PLPPR1: variants seen among roughly 807,000 people sequenced by gnomAD.
PLPPR1 encodes the protein phospholipid phosphatase-related protein type 1.
In PLPPR1, 10 loss-of-function variants were observed where a neutral mutation model predicts 33.1. That is an observed-to-expected ratio of 0.30 (90% confidence interval 0.19 to 0.51). The LOEUF (loss-of-function observed/expected upper bound fraction) is 0.51. Ranked by LOEUF, PLPPR1 falls within the 20% of genes least tolerant of loss-of-function variation. The probability of loss-of-function intolerance (pLI) is 0.97; values close to 1 mark genes in which losing one functional copy is unlikely to be tolerated. For synonymous variants in PLPPR1, 151 were observed against 151.0 expected, an observed-to-expected ratio of 1.00 and a Z score of 0.00; for missense variants, 304 against 408.1, an observed-to-expected ratio of 0.74 and a Z score of 2.20.
chr9:101,160,787 G>GA (rs1831762800), intron 1 of PLPPR1, among the ~76,000 whole-genome samples: 1 of 151,928 alleles, frequency 6.6e-6, no homozygotes, highest in Non-Finnish European at 1.5e-5. Flanking sequence ...ATATGATTTT[G>GA]AAAAAAGAAA....
At chr9:101,079,583 CTTTTT>C (rs11361751) in intron 1 of PLPPR1, among the ~76,000 whole-genome samples, 1 of 138,732 alleles carries the variant, frequency 7.2e-6, no homozygotes. Flanking sequence ...TTTTGATTGC[CTTTTT>C]TTTTTTTTTG....
chr9:101,297,189 C>T (rs1041306367), intron 4 of PLPPR1, among the ~76,000 whole-genome samples: 59 of 152,060 alleles, frequency 3.9e-4, no homozygotes, highest in African/African-American at 1.3e-3. Context: ...AATATGTTTA[C>T]TTTTAGAAAT....
At chr9:101,275,778 G>C (rs974555380) in intron 3 of PLPPR1, among the ~76,000 whole-genome samples, 1 of 152,164 alleles carries the variant, frequency 6.6e-6, no homozygotes, top group Non-Finnish European at 1.5e-5. Flanking sequence ...TGAAGTGACA[G>C]GGGAGTATTT....
intron 1 of PLPPR1, among the ~76,000 whole-genome samples, chr9:101,152,865 T>G (rs1271221242): frequency 3.3e-5 from 5 of 152,250 alleles, no homozygotes; most frequent in African/African-American, 1.2e-4. Context: ...TGGCTTAGGA[T>G]TGACTTGGCA....
At chr9:101,178,865 A>G (rs7021635) in intron 1 of PLPPR1, among the ~76,000 whole-genome samples, 56,671 of 151,988 alleles carry the variant, frequency 0.37, 11,153 homozygotes, top group Non-Finnish European at 0.43. Context: ...ACCCCTAGTG[A>G]TCCACTAGCA....
At chr9:101,165,540 A>G (rs1195556173) in intron 1 of PLPPR1, among the ~76,000 whole-genome samples, 1 of 152,148 alleles carries the variant, frequency 6.6e-6, no homozygotes, top group Non-Finnish European at 1.5e-5. Context: ...TATTTTTGTC[A>G]TTTTTCTTGC....
rs4384037 is a variant in PLPPR1, at chr9:101,145,772, C to T, written c.-45-39678C>T. Reference sequence around the variant, plus strand: ...TGGTGGCTCATGCCTACCATCCCAGCGCTTTGGGAGGTCAAGACAGAAGGA... The same window carrying T: ...TGGTGGCTCATGCCTACCATCCCAGTGCTTTGGGAGGTCAAGACAGAAGGA... On this transcript the variant is annotated intron_variant, in intron 1 of 7. Coordinates refer to ENST00000374874, the MANE Select transcript of PLPPR1 (RefSeq NM_207299.2). Among the ~76,000 whole-genome samples, 1,401 of 149,998 alleles carry T rather than the reference C, an allele frequency of 9.3e-3. 21 individuals carry two copies. The highest frequency in any genetic ancestry group is 0.026 in the African/African-American group (1,065 of 40,696).
chr9:101,138,888 T>C (rs759475259), intron 1 of PLPPR1, among the ~76,000 whole-genome samples: 3 of 152,166 alleles, frequency 2.0e-5, no homozygotes, highest in Non-Finnish European at 4.4e-5. Flanking sequence ...CAGGGTTTGG[T>C]AGGATTAAAG....
intron 6 of PLPPR1, among the ~76,000 whole-genome samples, chr9:101,313,982 A>G (rs181799437): frequency 9.2e-5 from 14 of 152,330 alleles, no homozygotes; most frequent in African/African-American, 3.4e-4. Flanking sequence ...GAATGTATCC[A>G]TAATTCCTTT....
intron 3 of PLPPR1, among the ~76,000 whole-genome samples, chr9:101,281,827 CCTAGAAGAAA>C (rs1258853538): frequency 6.6e-6 from 1 of 151,934 alleles, no homozygotes; most frequent in Non-Finnish European, 1.5e-5. Flanking sequence ...AATTGGATAG[CCTAGAAGAAA>C]CAGGTAAGTT....
intron 3 of PLPPR1, among the ~76,000 whole-genome samples, chr9:101,276,829 T>C (rs557098410): frequency 6.6e-6 from 1 of 152,192 alleles, no homozygotes; most frequent in African/African-American, 2.4e-5. Context: ...AAAACACTTA[T>C]TATCCCATTT....
At chr9:101,275,313 AG>A (rs1478882043) in intron 3 of PLPPR1, among the ~76,000 whole-genome samples, 1 of 152,200 alleles carries the variant, frequency 6.6e-6, no homozygotes, top group Non-Finnish European at 1.5e-5. Context: ...TCACAATTGC[AG>A]GGATGCACAA....
At chr9:101,058,737 A>G (rs1411472390) in intron 1 of PLPPR1, among the ~76,000 whole-genome samples, 1 of 152,148 alleles carries the variant, frequency 6.6e-6, no homozygotes, top group Admixed American at 6.6e-5. Context: ...TATAGGCAAA[A>G]GAGTTTCTCA....
chr9:101,235,300 A>C (rs1827276793), intron 2 of PLPPR1, among the ~76,000 whole-genome samples: 1 of 151,832 alleles, frequency 6.6e-6, no homozygotes, highest in Admixed American at 6.6e-5. Context: ...GTACTGAATA[A>C]GTTTCGAACA....
chr9:101,033,779 G>C (rs1829976207), intron 1 of PLPPR1, among the ~76,000 whole-genome samples: 1 of 152,126 alleles, frequency 6.6e-6, no homozygotes. Context: ...AGCTGAAACA[G>C]AGAGGTCCCA....
intron 1 of PLPPR1, among the ~76,000 whole-genome samples, chr9:101,031,262 A>G (rs2251885): frequency 0.31 from 46,775 of 151,994 alleles, 7,718 homozygotes; most frequent in Admixed American, 0.37. Flanking sequence ...GTTACTATAT[A>G]TTTCCTCTTC....
intron 1 of PLPPR1, among the ~76,000 whole-genome samples, chr9:101,120,955 A>G (rs1831172122): frequency 6.6e-6 from 1 of 152,184 alleles, no homozygotes; most frequent in Admixed American, 6.5e-5. Flanking sequence ...GCATTTTCTA[A>G]GTTAAACTTG....
At chr9:101,190,691 C>T (rs1265978490) in intron 2 of PLPPR1, among the ~76,000 whole-genome samples, 3 of 152,062 alleles carry the variant, frequency 2.0e-5, no homozygotes, top group African/African-American at 7.2e-5. Flanking sequence ...GAGAAGCTGC[C>T]TGACAATACA....
chr9:101,307,946 C>T (rs1384456761), intron 4 of PLPPR1, among the ~76,000 whole-genome samples: 1 of 152,156 alleles, frequency 6.6e-6, no homozygotes, highest in Non-Finnish European at 1.5e-5. Flanking sequence ...ATATACAGGC[C>T]TTGAAATAAC....
Sources: gnomAD v4.1 joint callset for allele counts (sites outside exome capture counted in the v4.1 genomes callset) on GRCh38, gnomAD v4.1.1 for gene constraint, MANE v1.5 for transcripts, NCBI Gene and HGNC (gene_info 2026-07-23, HGNC 2026-07-21) for gene names.